TTC6: variants seen among roughly 807,000 people sequenced by gnomAD.
The protein encoded by TTC6 is tetratricopeptide repeat protein 6.
Under a neutral mutation model 210.4 loss-of-function variants are expected in TTC6, and 172 were observed. That is an observed-to-expected ratio of 0.82 (90% CI 0.72 to 0.93). The LOEUF is 0.93. Ranked by LOEUF, TTC6 falls within the 40% of genes least tolerant of loss-of-function variation. The probability of loss-of-function intolerance (pLI) is 0.00; values close to 1 mark genes in which losing one functional copy is unlikely to be tolerated. For synonymous variants in TTC6, 804 were observed against 819.6 expected (o/e 0.98, Z 0.32); for missense variants, 2,414 against 2,318.1 (o/e 1.04, Z -0.85).
At chr14:37,646,672 T>G (rs992599499) in intron 1 of TTC6, among the ~76,000 whole-genome samples, 1 of 152,220 alleles carries the variant, frequency 6.6e-6, no homozygotes, top group Non-Finnish European at 1.5e-5. Flanking sequence ...GTATTCCTTA[T>G]TCCCAAATTT....
At chr14:37,837,169 A>G (rs974533788) in intron 29 of TTC6, among the ~76,000 whole-genome samples, 2 of 152,244 alleles carry the variant, frequency 1.3e-5, no homozygotes, top group African/African-American at 4.8e-5. Context: ...TTTGGAAGCT[A>G]TAGTAGAAAG....
At chr14:37,749,068 A>G (rs886860669) in exon 11 of TTC6, 2 of 1,535,512 alleles carry the variant, frequency 1.3e-6, no homozygotes, top group Non-Finnish European at 1.7e-6. Context: ...AAGCTAAGGG[A>G]GGAATTCCAG....
chr14:37,787,436 A>C, intron 14 of TTC6, 32 bp from the exon 17 acceptor site: 1 of 1,421,012 alleles, frequency 7.0e-7, no homozygotes, highest in Middle Eastern at 2.5e-4. Context: ...TATACTTTAC[A>C]GTACTTGTTA....
chr14:37,831,876 G>A (rs2096186184), intron 29 of TTC6, among the ~76,000 whole-genome samples: 2 of 152,010 alleles, frequency 1.3e-5, no homozygotes, highest in African/African-American at 4.8e-5. Flanking sequence ...ATCCTATTCT[G>A]TAGGTTTTCT....
intron 5 of TTC6, among the ~76,000 whole-genome samples, chr14:37,710,431 T>C (rs2095842803): frequency 6.6e-6 from 1 of 152,118 alleles, no homozygotes; most frequent in Non-Finnish European, 1.5e-5. Context: ...CACAAATATA[T>C]TTCTCTCTCT....
chr14:37,781,946 G>A lies in TTC6; in HGVS notation c.3267-5522G>A, dbSNP rs545260231. 2.3e-4 allele frequency among the ~76,000 whole-genome samples: 35 copies of A among 152,200 alleles called. 1 individual carries two copies. The highest frequency in any genetic ancestry group is 2.2e-3 in the Admixed American group (33 of 15,294). On this transcript the variant is annotated intron_variant, in intron 14 of 30. Coordinates refer to ENST00000553443, the Ensembl canonical transcript of TTC6. ...AAGATCAGATGGTTGTAGGAGTGTGGTATTATTTCTGAGGGCTCTGTTCTG... is the reference window on the plus strand; with the variant it reads ...AAGATCAGATGGTTGTAGGAGTGTGATATTATTTCTGAGGGCTCTGTTCTG...
chr14:37,725,312 G>GTGTGTATA (rs1318506400), intron 7 of TTC6, among the ~76,000 whole-genome samples: 11 of 33,906 alleles, frequency 3.2e-4, no homozygotes, highest in Non-Finnish European at 4.5e-4. Context: ...GTGTGTGTGT[G>GTGTGTATA]TATATATATA....
chr14:37,805,165 A>G (rs532772891), intron 21 of TTC6, among the ~76,000 whole-genome samples: 15 of 152,342 alleles, frequency 9.8e-5, no homozygotes, highest in African/African-American at 3.6e-4. Context: ...AACATAATGT[A>G]GAATAAATGG....
chr14:37,767,020 A>G lies in TTC6; in HGVS notation c.3266+13785A>G, dbSNP rs192998806. ...TGTGTCCATGTGATCTCATTGTTCA[A>G]TTCCCACCTATGAGTGAGAATATGC... On this transcript the variant is annotated intron_variant, in intron 14 of 30. Transcript: ENST00000553443. Among the ~76,000 whole-genome samples the G allele has an allele frequency of 2.9e-4, 44 of 152,118 alleles. No individual in the cohort carries two copies. The East Asian group carries it at 7.8e-3, about 27-fold the overall frequency.
chr14:37,649,979 G>C (rs981817732), intron 1 of TTC6, among the ~76,000 whole-genome samples: 29 of 152,128 alleles, frequency 1.9e-4, no homozygotes, highest in African/African-American at 6.8e-4. Flanking sequence ...TAACAAATGA[G>C]TCATCTTTAG....
chr14:37,769,689 C>T (rs949858380), intron 14 of TTC6, among the ~76,000 whole-genome samples: 34 of 150,202 alleles, frequency 2.3e-4, no homozygotes, highest in Admixed American at 1.1e-3. Flanking sequence ...TGATTCTTCT[C>T]TCTTTTTTTC....
At chr14:37,767,847 C>T (rs76724183) in intron 14 of TTC6, among the ~76,000 whole-genome samples, 137,918 of 146,656 alleles carry the variant, frequency 0.94, 65,192 homozygotes, top group Non-Finnish European at 1. Context: ...GCCATTGCTT[C>T]TGGTGTTTTA....
rs571061561 is a variant in TTC6, at chr14:37,827,898, T to C, written c.5298+532T>C. ...AGTTTTAGTGTATATGTTGCCGAAGTGAGCATCCAGTAAACATCCTTTTGG... is the reference window on the plus strand; with the variant it reads ...AGTTTTAGTGTATATGTTGCCGAAGCGAGCATCCAGTAAACATCCTTTTGG... On this transcript the variant is annotated intron_variant, in intron 29 of 30. Transcript: ENST00000553443. The C allele has an allele frequency of 6.6e-5, 10 of 152,514 alleles. No homozygotes were observed. The East Asian group carries it at 1.5e-3, about 24-fold the overall frequency. 9.4% of individuals were successfully genotyped at this position (152,514 alleles called of 1,614,324 possible).
intron 1 of TTC6, among the ~76,000 whole-genome samples, chr14:37,676,693 A>G (rs1229963321): frequency 4.6e-5 from 7 of 152,124 alleles, no homozygotes; most frequent in Admixed American, 4.6e-4. Flanking sequence ...CTTACAGTTT[A>G]TAGGTCTTAC....
At chr14:37,677,115 A>T (rs1405591211) in intron 1 of TTC6, among the ~76,000 whole-genome samples, 1 of 151,768 alleles carries the variant, frequency 6.6e-6, no homozygotes, top group Non-Finnish European at 1.5e-5. Context: ...TGTTTTTTTG[A>T]TAGGGGTTGC....
intron 2 of TTC6, among the ~76,000 whole-genome samples, chr14:37,613,820 C>T (rs1252229835): frequency 6.6e-6 from 1 of 151,362 alleles, no homozygotes; most frequent in Admixed American, 6.6e-5. Flanking sequence ...AATCCTCTTT[C>T]ATTCCTGATA....
At chr14:37,814,084 T>G (rs1324691225) in intron 25 of TTC6, among the ~76,000 whole-genome samples, 1 of 152,154 alleles carries the variant, frequency 6.6e-6, no homozygotes, top group Non-Finnish European at 1.5e-5. Context: ...AAGTTATTCC[T>G]TTGCTCAAAA....
At chr14:37,693,482 A>G (rs1224521800) in intron 3 of TTC6, among the ~76,000 whole-genome samples, 1 of 152,150 alleles carries the variant, frequency 6.6e-6, no homozygotes, top group East Asian at 1.9e-4. Context: ...GTATCAAAAT[A>G]CCAATGACAT....
chr14:37,672,276 A>C (rs1382118150), intron 1 of TTC6, among the ~76,000 whole-genome samples: 1 of 152,152 alleles, frequency 6.6e-6, no homozygotes, highest in Admixed American at 6.6e-5. Flanking sequence ...CACTAGTGTA[A>C]CTAAAACTGG....
Sources: allele counts gnomAD v4.1 joint callset (sites outside exome capture counted in the v4.1 genomes callset), GRCh38; gene constraint gnomAD v4.1.1; transcripts MANE v1.5; gene names NCBI Gene and HGNC (gene_info 2026-07-23, HGNC 2026-07-21).